STK3: variants seen among roughly 807,000 people sequenced by gnomAD.
STK3 encodes serine/threonine kinase 3.
STK3 carries 41 observed loss-of-function variants against 58.0 expected under a neutral mutation model. That is an observed-to-expected ratio of 0.71 (90% CI 0.55 to 0.92). The LOEUF (loss-of-function observed/expected upper bound fraction) is 0.92. Ranked by LOEUF, STK3 falls within the 40% of genes least tolerant of loss-of-function variation. The pLI is 0.00. For missense variants in STK3, 479 were observed against 602.7 expected (o/e 0.79, Z 2.15); for synonymous variants, 170 against 191.0 (o/e 0.89, Z 0.91).
rs1333756732 is a variant in STK3, at chr8:98,796,665, AACAG to A, written c.27-21850_27-21847del. On this transcript the variant is annotated intron_variant, in intron 1 of 10. Coordinates refer to ENST00000419617, the MANE Select transcript of STK3 (RefSeq NM_006281.4). The stretch of plus-strand genomic sequence containing the variant: ...AGCAAAAGAAACTCTCAACAGAGTA[AACAG>A]ACAATCTACAGAATAGGAGAAAATA... Among the ~76,000 whole-genome samples the A allele has an allele frequency of 2.0e-5, 3 of 152,362 alleles. No homozygotes were observed. In the East Asian group the frequency reaches 5.8e-4, roughly 29 times the overall value.
chr8:98,598,600 G>C (rs1816030743), intron 6 of STK3: 1 of 985,126 alleles, frequency 1.0e-6, no homozygotes. Context: ...AGAATCTCTA[G>C]GTTTTATATG....
rs191144677 is a variant in STK3, at chr8:98,542,023, A to G, written c.1141+5946T>C. Among the ~76,000 whole-genome samples, 13 of 152,278 alleles carry G rather than the reference A, an allele frequency of 8.5e-5. No individual in the cohort carries two copies. The East Asian group carries it at 1.9e-3, about 23-fold the overall frequency. On this transcript the variant is annotated intron_variant, in intron 9 of 10. Coordinates refer to ENST00000419617, the MANE Select transcript of STK3 (RefSeq NM_006281.4). ...TGGTTTCATCACTTACTTGCTAGGA[A>G]ATCTTGAACAGCATTCCCAAGTCTC...
chr8:98,748,720 C>G (rs1829788174), intron 4 of STK3, among the ~76,000 whole-genome samples: 1 of 151,840 alleles, frequency 6.6e-6, no homozygotes, highest in Admixed American at 6.6e-5. Flanking sequence ...AGAGTTAAAA[C>G]ATAACCATAA....
At chr8:98,460,088 T>C (rs976394530) in intron 10 of STK3, among the ~76,000 whole-genome samples, 17 of 152,110 alleles carry the variant, frequency 1.1e-4, no homozygotes, top group African/African-American at 3.9e-4. Context: ...CTGCAGACAC[T>C]CAATACCAGC....
At chr8:98,684,708 C>A (rs1004279207) in intron 6 of STK3, among the ~76,000 whole-genome samples, 1 of 152,158 alleles carries the variant, frequency 6.6e-6, no homozygotes, top group Admixed American at 6.5e-5. Context: ...CATCAGGTCA[C>A]ACCATTATTA....
chr8:98,903,079 T>A (rs1838720466), intron 1 of STK3, among the ~76,000 whole-genome samples: 1 of 152,198 alleles, frequency 6.6e-6, no homozygotes, highest in South Asian at 2.1e-4. Flanking sequence ...TGCATCTCCA[T>A]CTTTCAGTGT....
intron 3 of STK3, chr8:98,427,970 C>CCT (rs1818264867): frequency 1.3e-6 from 2 of 1,496,040 alleles, no homozygotes; most frequent in South Asian, 1.3e-5. Context: ...GGGCGGCCGG[C>CCT]GCCTCCAGCA....
chr8:98,887,335 G>T (rs1838028662), intron 1 of STK3, among the ~76,000 whole-genome samples: 1 of 152,030 alleles, frequency 6.6e-6, no homozygotes, highest in Non-Finnish European at 1.5e-5. Context: ...CAGATTTTTT[G>T]ATTAGGGATG....
chr8:98,428,855 G>A lies in STK3; in HGVS notation n.483+5272C>T, dbSNP rs756112248. ...CACCTACTTTAGCCAACTTGGGCAG[G>A]GTGGCCCAGGTCCTGAGGCTGATGC... On this transcript the variant is annotated intron_variant and non_coding_transcript_variant, in intron 3 of 3. Coordinates refer to the STK3 transcript ENST00000517832. The surrounding 1 kb of genome is among the most constrained non-coding windows in gnomAD (Gnocchi z 6.7). The A allele has an allele frequency of 1.9e-6, 3 of 1,614,168 alleles. No individual in the cohort carries two copies. Among genetic ancestry groups the A allele is most frequent in the Admixed American group, 3.3e-5 (2 of 60,028 alleles).
intron 8 of STK3, among the ~76,000 whole-genome samples, chr8:98,571,255 A>C (rs762916184): frequency 3.3e-5 from 5 of 152,074 alleles, no homozygotes; most frequent in Non-Finnish European, 7.4e-5. Context: ...GCTTGAACCC[A>C]GGAGGCAGAG....
intron 1 of STK3, among the ~76,000 whole-genome samples, chr8:98,937,833 A>C (rs564307540): frequency 6.6e-6 from 1 of 152,238 alleles, no homozygotes; most frequent in Non-Finnish European, 1.5e-5. Context: ...TTGTATCTGC[A>C]TTCAAATATT....
chr8:98,708,972 T>C (rs551636025), intron 4 of STK3, among the ~76,000 whole-genome samples: 2 of 151,816 alleles, frequency 1.3e-5, no homozygotes, highest in South Asian at 2.1e-4. Context: ...ACCAAGTGAT[T>C]AGATGTTTGG....
chr8:98,590,570 C>CG (rs1254187608), intron 7 of STK3, among the ~76,000 whole-genome samples: 5 of 152,148 alleles, frequency 3.3e-5, no homozygotes, highest in Non-Finnish European at 7.3e-5. Flanking sequence ...AGCAGGAGGA[C>CG]GGGGGATTGA....
rs747942047 is a variant in STK3, at chr8:98,455,952, C to T, written c.1366G>A (p.Asp456Asn). Residue 456 changes from aspartate (D) to asparagine (N), a missense_variant, in exon 11 of 11, where the codon GAC becomes AAC. By Grantham distance (23) the Asp-to-Asn change is conservative. Coordinates refer to ENST00000419617, the MANE Select transcript of STK3 (RefSeq NM_006281.4). Reference sequence around the variant, plus strand: ...TCTATCTCCCGTTCCATCATGGGGTCCAGTGCTTTTAACCGCATCTGTAGT... The same window carrying T: ...TCTATCTCCCGTTCCATCATGGGGTTCAGTGCTTTTAACCGCATCTGTAGT... Reference protein sequence around the residue: ...EELQMRLKALDPMMEREIEEL... With the variant: ...EELQMRLKALNPMMEREIEEL... 1 of 1,612,970 alleles carries T rather than the reference C, an allele frequency of 6.2e-7. No homozygotes were observed.
intron 1 of STK3, among the ~76,000 whole-genome samples, chr8:98,901,453 G>A (rs1838652582): frequency 6.6e-6 from 1 of 152,274 alleles, no homozygotes; most frequent in African/African-American, 2.4e-5. Flanking sequence ...AAGAGAGGGA[G>A]AGGTGAAAGG....
At chr8:98,709,415 A>G (rs1826220677) in intron 4 of STK3, among the ~76,000 whole-genome samples, 1 of 152,216 alleles carries the variant, frequency 6.6e-6, no homozygotes, top group African/African-American at 2.4e-5. Context: ...CAAATTTTCT[A>G]AAACACTGAA....
intron 2 of STK3, among the ~76,000 whole-genome samples, chr8:98,435,383 A>G (rs1818450045): frequency 6.6e-6 from 1 of 152,258 alleles, no homozygotes; most frequent in South Asian, 2.1e-4. Flanking sequence ...AGCAAGGTGC[A>G]GATGGGGGGC....
chr8:98,507,949 T>A (rs1824218778), intron 10 of STK3, among the ~76,000 whole-genome samples: 1 of 152,212 alleles, frequency 6.6e-6, no homozygotes, highest in Non-Finnish European at 1.5e-5. Flanking sequence ...CCGGCCTCAT[T>A]ACCTTACGTG....
At chr8:98,867,388 T>C (rs1412105174) in intron 3 of STK3, among the ~76,000 whole-genome samples, 1 of 152,208 alleles carries the variant, frequency 6.6e-6, no homozygotes, top group Non-Finnish European at 1.5e-5. Context: ...CGTTCCAGCC[T>C]GGGTGATAGG....
Sources: gnomAD v4.1 joint callset for allele counts (sites outside exome capture counted in the v4.1 genomes callset) on GRCh38, gnomAD v4.1.1 for gene constraint, Gnocchi (gnomAD v3.1) non-coding constraint, MANE v1.5 for transcripts, NCBI Gene and HGNC (gene_info 2026-07-23, HGNC 2026-07-21) for gene names.